The following IQSEC1 variants were observed in gnomAD, a reference collection of about 807,000 sequenced individuals.
IQSEC1 encodes the protein IQ motif and SEC7 domain-containing protein 1.
Under a neutral mutation model 91.0 loss-of-function variants are expected in IQSEC1, and 31 were observed. That is an observed-to-expected ratio of 0.34 (90% CI 0.26 to 0.46). The LOEUF (loss-of-function observed/expected upper bound fraction) is 0.46. IQSEC1 is among the 20% of genes least tolerant of loss of function. The pLI, the probability that IQSEC1 is intolerant of heterozygous loss-of-function variation, is 1.00. For synonymous variants in IQSEC1, 699 were observed against 662.6 expected (o/e 1.05, Z -0.84); for missense variants, 1,388 against 1,575.6 (o/e 0.88, Z 2.02).
chr3:12,944,577 G>A (rs1699047780), intron 1 of IQSEC1, among the ~76,000 whole-genome samples: 1 of 152,214 alleles, frequency 6.6e-6, no homozygotes, highest in South Asian at 2.1e-4. Context: ...CGTCTTTGCA[G>A]CCCGAGGGCA....
intron 1 of IQSEC1, among the ~76,000 whole-genome samples, chr3:13,180,249 G>A (rs1693815314): frequency 6.6e-6 from 1 of 152,226 alleles, no homozygotes; most frequent in East Asian, 1.9e-4. Flanking sequence ...TTGGCACTCT[G>A]TATCTAGCTC....
At chr3:13,209,187 A>G (rs1396786656) in intron 1 of IQSEC1, among the ~76,000 whole-genome samples, 1 of 152,216 alleles carries the variant, frequency 6.6e-6, no homozygotes, top group Admixed American at 6.5e-5. Context: ...TTGGCAGGCA[A>G]GAGGCATGCA....
chr3:13,235,328 C>T (rs537650951), intron 1 of IQSEC1, among the ~76,000 whole-genome samples: 1 of 152,180 alleles, frequency 6.6e-6, no homozygotes, highest in Non-Finnish European at 1.5e-5. Context: ...CACACCCTTC[C>T]CCTGGCTGGT....
chr3:13,024,600 CCATCCATCCACCCATCTGTCCAT>C (rs1046160762), intron 1 of IQSEC1, among the ~76,000 whole-genome samples: 14 of 151,900 alleles, frequency 9.2e-5, no homozygotes, highest in South Asian at 2.1e-4. Flanking sequence ...ACCCACCCAT[CCATCCATCCACCCATCTGTCCAT>C]CATCCATCCA....
At chr3:13,112,926 A>C (rs532517183) in intron 2 of IQSEC1, among the ~76,000 whole-genome samples, 6 of 152,358 alleles carry the variant, frequency 3.9e-5, no homozygotes, top group Admixed American at 3.3e-4. Flanking sequence ...CTGTCACATG[A>C]ATCAGTTCTG....
intron 2 of IQSEC1, among the ~76,000 whole-genome samples, chr3:13,156,067 A>C (rs1240891248): frequency 3.7e-5 from 2 of 54,196 alleles, no homozygotes; most frequent in African/African-American, 8.5e-5. Context: ...AAAAATACAA[A>C]AAAAAAAAAA....
intron 1 of IQSEC1, among the ~76,000 whole-genome samples, chr3:12,961,222 C>T (rs529995132): frequency 6.6e-6 from 1 of 152,368 alleles, no homozygotes; most frequent in Admixed American, 6.5e-5. Flanking sequence ...CACAGGCCAC[C>T]AGCTGAGGGC....
In IQSEC1 at chr3:12,964,224, C is replaced by A. The variant is rs561512567; in HGVS notation, c.24-22359G>T. Among the ~76,000 whole-genome samples the A allele has an allele frequency of 2.0e-5, 3 of 152,254 alleles. No individual in the cohort carries two copies. The South Asian group carries it at 6.2e-4, about 32-fold the overall frequency. On this transcript the variant is annotated intron_variant, in intron 1 of 13. Transcript: ENST00000613206. The stretch of plus-strand genomic sequence containing the variant: ...ATTAATTCTTCAAGAGCCTTAATGG[C>A]CTCTAAACTCATTACAATTTGCTTT...
intron 1 of IQSEC1, chr3:13,022,147 GC>G: frequency 8.1e-7 from 1 of 1,231,772 alleles, no homozygotes; most frequent in African/African-American, 1.5e-5. Context: ...CACCACCACT[GC>G]CCCACCACCC....
intron 2 of IQSEC1, among the ~76,000 whole-genome samples, chr3:13,125,205 G>A (rs377762209): frequency 2.0e-5 from 3 of 152,270 alleles, no homozygotes. Flanking sequence ...CCCCCAGCTA[G>A]GGGCCTTTGC....
rs1019676681 is a variant in IQSEC1 at position 12,901,483 on chromosome 3, T to A, written c.2845A>T (p.Thr949Ser). 21 of 1,549,790 alleles carry A rather than the reference T, an allele frequency of 1.4e-5. No homozygotes were observed. Among genetic ancestry groups the A allele is most frequent in the Non-Finnish European group, 1.7e-5 (19 of 1,146,902 alleles). ...CGAGATGGACACTCTCGTGTTGATG[T>A]AGCTCTCCGGCGCATGTGAGGACTG... ...ISSPHMRRRA[T>S]STRECPSRPH... The change falls in exon 14 of 14, where the codon ACA (threonine) becomes TCA (serine). Residue 949 changes from threonine to serine, a missense_variant. Coordinates refer to ENST00000613206, the MANE Select transcript of IQSEC1 (RefSeq NM_001134382.3).
At chr3:12,941,480 G>C in intron 2 of IQSEC1, 91 bp downstream of exon 2, 1 of 1,299,620 alleles carries the variant, frequency 7.7e-7, no homozygotes, top group Non-Finnish European at 1.0e-6. Context: ...GTCTATGGGA[G>C]AGATCTGCCA....
At chr3:13,025,813 T>C (rs554056333) in intron 1 of IQSEC1, among the ~76,000 whole-genome samples, 5 of 152,302 alleles carry the variant, frequency 3.3e-5, no homozygotes, top group Admixed American at 2.6e-4. Context: ...CACTCTCCCA[T>C]GCTGACCGTC....
rs905851504 is a variant in IQSEC1, at chr3:12,898,919, C to G, written c.*2064G>C. ...AAAAAAGACCCGAGAATTGATGAGT[C>G]GGAGACACCAGGGCGCTTCCCTGAC... is the stretch of plus-strand genomic sequence containing the variant. On this transcript the variant is annotated 3_prime_UTR_variant, in exon 14 of 14. Coordinates refer to ENST00000613206, the MANE Select transcript of IQSEC1 (RefSeq NM_001134382.3). 6.4e-6 allele frequency: 1 copy of G among 156,314 alleles called. No homozygotes were observed. Among genetic ancestry groups the G allele is most frequent in the South Asian group, 1.9e-4 (1 of 5,158 alleles). The allele number at this position is 156,314 out of a possible 1,614,324, so 9.7% of individuals were successfully genotyped here.
At chr3:12,954,167 A>G (rs1699747610) in intron 1 of IQSEC1, among the ~76,000 whole-genome samples, 1 of 152,106 alleles carries the variant, frequency 6.6e-6, no homozygotes, top group South Asian at 2.1e-4. Context: ...TCCCAAACAT[A>G]AAGAGTACCG....
chr3:13,145,152 G>A (rs747134189), intron 2 of IQSEC1, among the ~76,000 whole-genome samples: 6 of 152,190 alleles, frequency 3.9e-5, no homozygotes, highest in African/African-American at 9.7e-5. Context: ...GAGTAACCAC[G>A]CCTCAACGGC....
chr3:13,005,755 G>A (rs906940070), intron 1 of IQSEC1, among the ~76,000 whole-genome samples: 5 of 152,296 alleles, frequency 3.3e-5, no homozygotes, highest in East Asian at 1.9e-4. Flanking sequence ...TCGTAGGGAC[G>A]GGGAATGGAA....
intron 1 of IQSEC1, among the ~76,000 whole-genome samples, chr3:13,267,969 T>A (rs1695526683): frequency 6.6e-6 from 1 of 152,156 alleles, no homozygotes; most frequent in Non-Finnish European, 1.5e-5. Context: ...TAACCAGCTC[T>A]CCTCCAGATC....
rs1392455497 is a variant in IQSEC1 at position 12,898,805 on chromosome 3, G to A, written c.*2178C>T. ...CGCAGAGCGCAGCCTCACAGCTGAC[G>A]CCAGATGACATGCAGCAGTTTAACG... On this transcript the variant is annotated 3_prime_UTR_variant, in exon 14 of 14. Transcript: ENST00000613206. 3.3e-5 allele frequency: 5 copies of A among 153,532 alleles called. No individual in the cohort carries two copies. Among genetic ancestry groups the A allele is most frequent in the East Asian group, 1.9e-4 (1 of 5,202 alleles). 9.5% of individuals were successfully genotyped at this position (153,532 alleles called of 1,614,324 possible). A position where few individuals can be genotyped will look rare whatever the true frequency, so the allele number is the denominator to read the frequency against.
Sources: allele counts gnomAD v4.1 joint callset (sites outside exome capture counted in the v4.1 genomes callset), GRCh38; gene constraint gnomAD v4.1.1; transcripts MANE v1.5; gene names NCBI Gene and HGNC (gene_info 2026-07-23, HGNC 2026-07-21).